Variants in STK32B observed in about 807,000 individuals in gnomAD.
STK32B encodes the protein serine/threonine kinase 32B, also known as serine/threonine-protein kinase 32B.
A neutral mutation model predicts 52.6 loss-of-function variants in STK32B; 43 were observed. That is an observed-to-expected ratio of 0.82 (90% CI 0.64 to 1.05). The LOEUF is 1.05. Ranked by LOEUF, STK32B falls within the 50% of genes least tolerant of loss-of-function variation. The pLI is 0.00. For synonymous variants in STK32B, 238 were observed against 204.3 expected, an observed-to-expected ratio of 1.17 and a Z score of -1.41; for missense variants, 621 against 534.6, an observed-to-expected ratio of 1.16 and a Z score of -1.59.
chr4:5,304,484 G>T (rs1041412365), intron 3 of STK32B, among the ~76,000 whole-genome samples: 18 of 148,450 alleles, frequency 1.2e-4, no homozygotes, highest in African/African-American at 4.5e-4. Flanking sequence ...TTCTCAGCTT[G>T]GTTGCTGTTG....
chr4:5,126,947 G>T (rs531287537), intron 1 of STK32B, among the ~76,000 whole-genome samples: 1 of 152,292 alleles, frequency 6.6e-6, no homozygotes, highest in African/African-American at 2.4e-5. Context: ...GCAGAAAGGG[G>T]AGTGGTGATA....
intron 11 of STK32B, among the ~76,000 whole-genome samples, chr4:5,479,771 C>G (rs1005641406): frequency 6.6e-6 from 1 of 152,180 alleles, no homozygotes; most frequent in Non-Finnish European, 1.5e-5. Context: ...ATTTCCAACT[C>G]AATTACCATT....
intron 3 of STK32B, among the ~76,000 whole-genome samples, chr4:5,178,872 T>A (rs1486040354): frequency 6.6e-6 from 1 of 152,184 alleles, no homozygotes; most frequent in African/African-American, 2.4e-5. Flanking sequence ...TTTCCAACTT[T>A]CCCACATCTT....
chr4:5,268,052 C>G lies in STK32B; in HGVS notation c.261-63168C>G, dbSNP rs569161435. On this transcript the variant is annotated intron_variant, in intron 3 of 11. Coordinates refer to ENST00000282908, the MANE Select transcript of STK32B (RefSeq NM_018401.3). ...CAGTTGGTTCAGGAGCCATTCTGTT[C>G]TGCTTGCCAGCAGCCTGTGGACTGA... 2.6e-5 allele frequency among the ~76,000 whole-genome samples: 4 copies of G among 152,324 alleles called. No homozygotes were observed. In the South Asian group the frequency reaches 6.2e-4, roughly 24 times the overall value.
At chr4:5,388,002 C>T (rs1254726272) in intron 4 of STK32B, among the ~76,000 whole-genome samples, 7 of 152,168 alleles carry the variant, frequency 4.6e-5, no homozygotes, top group Non-Finnish European at 7.3e-5. Context: ...GCCTCAGCCT[C>T]CCAAAGTACT....
At chr4:5,454,203 C>T (rs1410542200) in intron 7 of STK32B, among the ~76,000 whole-genome samples, 2 of 152,186 alleles carry the variant, frequency 1.3e-5, no homozygotes, top group Admixed American at 6.5e-5. Context: ...CAAAGTCAGC[C>T]ACCTCCTGGA....
At chr4:5,233,160 T>C (rs960459605) in intron 3 of STK32B, among the ~76,000 whole-genome samples, 2 of 152,250 alleles carry the variant, frequency 1.3e-5, no homozygotes, top group East Asian at 3.9e-4. Flanking sequence ...CAAGGACTTG[T>C]GAAGGTTTGG....
chr4:5,156,303 A>C (rs987659344), intron 2 of STK32B, among the ~76,000 whole-genome samples: 3 of 152,128 alleles, frequency 2.0e-5, no homozygotes, highest in Admixed American at 6.6e-5. Flanking sequence ...AAATAAATAT[A>C]AATGAATGAA....
At chr4:5,351,943 T>C (rs537829033) in intron 4 of STK32B, among the ~76,000 whole-genome samples, 1 of 152,092 alleles carries the variant, frequency 6.6e-6, no homozygotes, top group Admixed American at 6.5e-5. Context: ...AGTAATGATA[T>C]TGAATTAGTA....
intron 4 of STK32B, among the ~76,000 whole-genome samples, chr4:5,336,792 T>C (rs530385687): frequency 1.2e-4 from 18 of 151,974 alleles, no homozygotes; most frequent in Non-Finnish European, 2.2e-4. Context: ...AATGAAACAA[T>C]GAAAGAACAA....
intron 1 of STK32B, among the ~76,000 whole-genome samples, chr4:5,094,664 A>G (rs779505671): frequency 4.6e-5 from 7 of 152,172 alleles, no homozygotes; most frequent in Non-Finnish European, 1.0e-4. Flanking sequence ...CTATAAAAGA[A>G]TACAGTATAC....
At chr4:5,471,954 T>G (rs530086802) in intron 11 of STK32B, among the ~76,000 whole-genome samples, 1 of 152,292 alleles carries the variant, frequency 6.6e-6, no homozygotes, top group South Asian at 2.1e-4. Context: ...GGGCCTTAAC[T>G]TCCCTGCACA....
At chr4:5,022,003 G>A in the STK32B span, among the ~76,000 whole-genome samples, 4 of 152,208 alleles carry the variant, frequency 2.6e-5, no homozygotes, top group South Asian at 2.1e-4. Context: ...AGGGTGCCTC[G>A]TGCTGATTCC....
intron 3 of STK32B, among the ~76,000 whole-genome samples, chr4:5,236,747 T>A (rs1236333655): frequency 2.0e-5 from 3 of 152,248 alleles, no homozygotes; most frequent in Non-Finnish European, 4.4e-5. Context: ...TTGTGTTGCA[T>A]GAATACACCA....
At chr4:5,160,568 G>A (rs570739655) in intron 2 of STK32B, among the ~76,000 whole-genome samples, 1 of 152,012 alleles carries the variant, frequency 6.6e-6, no homozygotes, top group African/African-American at 2.4e-5. Flanking sequence ...CCCATATCTG[G>A]TTTAGGATCC....
chr4:5,492,040 T>C (rs556759829), intron 11 of STK32B, among the ~76,000 whole-genome samples: 60 of 152,254 alleles, frequency 3.9e-4, no homozygotes, highest in Admixed American at 1.2e-3. Flanking sequence ...TCTTTTGGCT[T>C]AGGATTGACT....
In STK32B at chr4:5,467,984, A is replaced by T. The variant is rs1268009297; in HGVS notation, c.1042-22A>T. ...CCGGACCGTGCTTTGTCATTTAGTC[A>T]CCCCTCTGTGCTCTTTGACAGAATG... On this transcript the variant is annotated intron_variant, in intron 10 of 11. Coordinates refer to ENST00000282908, the MANE Select transcript of STK32B (RefSeq NM_018401.3). This position sits in a 1 kb window ranked among gnomAD's most constrained non-coding sequence, Gnocchi z 5.8. The T allele has an allele frequency of 4.3e-6, 7 of 1,613,430 alleles. No homozygotes were observed. The highest frequency in any genetic ancestry group is 5.1e-6 in the Non-Finnish European group (6 of 1,179,780).
rs1169995036 is a variant in STK32B at position 5,168,726 on chromosome 4, A to G, written c.260+276A>G. 6.6e-6 allele frequency among the ~76,000 whole-genome samples: 1 copy of G among 152,252 alleles called. No individual in the cohort carries two copies. Among genetic ancestry groups the G allele is most frequent in the South Asian group, 2.1e-4 (1 of 4,836 alleles). On this transcript the variant is annotated intron_variant, in intron 3 of 11. Transcript: ENST00000282908. ...TATTTGAGAAGATACGTGGAACGTT[A>G]TAAGAGAATGCCGAAGATAGGCTAC...
intron 1 of STK32B, among the ~76,000 whole-genome samples, chr4:5,124,659 A>T (rs79446763): frequency 6.6e-6 from 1 of 152,228 alleles, no homozygotes; most frequent in Non-Finnish European, 1.5e-5. Context: ...GTGTTAGGCT[A>T]CTAAGGGAAC....
Sources: gnomAD v4.1 joint callset for allele counts (sites outside exome capture counted in the v4.1 genomes callset) on GRCh38, gnomAD v4.1.1 for gene constraint, Gnocchi (gnomAD v3.1) non-coding constraint, MANE v1.5 for transcripts, NCBI Gene and HGNC (gene_info 2026-07-23, HGNC 2026-07-21) for gene names.